Variants in TMPRSS11A observed in about 807,000 individuals in gnomAD.
The protein encoded by TMPRSS11A is transmembrane protease serine 11A.
Under a neutral mutation model 58.9 loss-of-function variants are expected in TMPRSS11A, and 53 were observed. The observed-to-expected ratio is 0.90, with a 90% confidence interval of 0.72 to 1.13. The LOEUF is 1.13. TMPRSS11A is among the 50% of genes most tolerant of loss of function. TMPRSS11A has a pLI of 0.00. For missense variants in TMPRSS11A, 493 were observed against 499.3 expected (o/e 0.99, Z 0.12); for synonymous variants, 167 against 169.8 (o/e 0.98, Z 0.13).
At position 67,940,369 on chromosome 4, in the gene TMPRSS11A, T is replaced by G. The variant is rs529158027; in HGVS notation, c.252+4150A>C. ...GTGAATCCATCTAGTTTGGGCCTTT[T>G]TTTTTCCTTTTGGCTGGTAAGTTTT... On this transcript the variant is annotated intron_variant, in intron 3 of 9. Transcript: ENST00000508048. Among the ~76,000 whole-genome samples, 9 of 152,296 alleles carry G rather than the reference T, an allele frequency of 5.9e-5. No homozygotes were observed. In the South Asian group the frequency reaches 1.7e-3, roughly 28 times the overall value.
chr4:67,927,685 C>G (rs1238424055), intron 5 of TMPRSS11A, among the ~76,000 whole-genome samples: 3 of 152,196 alleles, frequency 2.0e-5, no homozygotes, highest in East Asian at 3.8e-4. Flanking sequence ...GGTTTCTGGC[C>G]AGAAAAGCAA....
intron 8 of TMPRSS11A, 35 bp downstream of exon 8, chr4:67,918,938 G>T: frequency 6.2e-7 from 1 of 1,611,708 alleles, no homozygotes; most frequent in Non-Finnish European, 8.5e-7. Flanking sequence ...CTTAGACAGG[G>T]CTTAGCGCTC....
At chr4:67,944,443 T>C in intron 3 of TMPRSS11A, 76 bp downstream of exon 3, 1 of 1,509,098 alleles carries the variant, frequency 6.6e-7, no homozygotes, top group Non-Finnish European at 9.0e-7. Flanking sequence ...ATCATGTTTT[T>C]AGAAATGGAG....
intron 1 of TMPRSS11A, among the ~76,000 whole-genome samples, chr4:67,956,601 G>T (rs1235920044): frequency 6.6e-6 from 1 of 152,156 alleles, no homozygotes; most frequent in Non-Finnish European, 1.5e-5. Context: ...CTCATATGAA[G>T]ATTGTAAGAA....
Position 67,922,912 on chromosome 4 carries a change from C to A in TMPRSS11A, c.535G>T (p.Val179Phe). The change falls in exon 7 of 10, where the codon GTT (valine) becomes TTT (phenylalanine). Residue 179 changes from valine to phenylalanine, a missense_variant. Physicochemically the swap from Val to Phe is conservative, Grantham distance 50 (BLOSUM62 -1). Transcript: ENST00000508048. ...LTVQASCGKRVVPLNVNRIAS... is the reference protein window; with the variant it reads ...LTVQASCGKRFVPLNVNRIAS... ...ATTCTGTTGACGTTTAATGGAACAACTCGTTTACCACAACCTGAAAAAAGA... is the reference window on the plus strand; with the variant it reads ...ATTCTGTTGACGTTTAATGGAACAAATCGTTTACCACAACCTGAAAAAAGA... The A allele has an allele frequency of 6.2e-7, 1 of 1,614,108 alleles. No individual in the cohort carries two copies. Among genetic ancestry groups the A allele is most frequent in the Non-Finnish European group, 8.5e-7 (1 of 1,179,978 alleles).
chr4:67,930,370 G>A (rs1171981503), intron 4 of TMPRSS11A, among the ~76,000 whole-genome samples: 3 of 152,162 alleles, frequency 2.0e-5, no homozygotes, highest in African/African-American at 7.2e-5. Flanking sequence ...TTTGATACCT[G>A]AATCACTTCT....
At chr4:67,947,519 C>A (rs1168095862) in intron 1 of TMPRSS11A, among the ~76,000 whole-genome samples, 1 of 152,208 alleles carries the variant, frequency 6.6e-6, no homozygotes, top group Admixed American at 6.5e-5. Context: ...TTATATCCCT[C>A]ATTTCCTATA....
intron 6 of TMPRSS11A, among the ~76,000 whole-genome samples, 166 bp from the exon 7 acceptor site, chr4:67,923,092 T>C (rs1046956274): frequency 5.3e-5 from 8 of 152,200 alleles, no homozygotes; most frequent in Non-Finnish European, 1.0e-4. Context: ...CATTTCAGGG[T>C]TCACTTTCTT....
chr4:67,924,534 A>G (rs996784245), intron 5 of TMPRSS11A, among the ~76,000 whole-genome samples: 2 of 152,222 alleles, frequency 1.3e-5, no homozygotes, highest in Non-Finnish European at 2.9e-5. Context: ...AGGTTATATT[A>G]GTTTGTTTTC....
At chr4:67,949,219 A>G (rs1721097155) in intron 1 of TMPRSS11A, among the ~76,000 whole-genome samples, 1 of 152,158 alleles carries the variant, frequency 6.6e-6, no homozygotes, top group African/African-American at 2.4e-5. Context: ...TCCCACCACC[A>G]AGACACATAG....
intron 2 of TMPRSS11A, 95 bp downstream of exon 2, chr4:67,946,355 T>C (rs1303454187): frequency 6.9e-6 from 9 of 1,304,450 alleles, no homozygotes; most frequent in Non-Finnish European, 9.2e-6. Context: ...AAGGTAAATG[T>C]GCAATTTTTT....
At chr4:67,914,403 GAA>G (rs1720089509) in intron 9 of TMPRSS11A, among the ~76,000 whole-genome samples, 183 bp downstream of exon 9, 1 of 152,136 alleles carries the variant, frequency 6.6e-6, no homozygotes, top group African/African-American at 2.4e-5. Flanking sequence ...TAGCATCAGA[GAA>G]ACTCTTACTT....
At chr4:67,935,186 C>A (rs906202740) in intron 3 of TMPRSS11A, among the ~76,000 whole-genome samples, 1 of 152,174 alleles carries the variant, frequency 6.6e-6, no homozygotes, top group Non-Finnish European at 1.5e-5. Context: ...GGAATTTGAG[C>A]CTTTGAGCCT....
chr4:67,911,615 C>A (rs975442140), intron 9 of TMPRSS11A, 112 bp from the exon 10 acceptor site: 6 of 653,640 alleles, frequency 9.2e-6, no homozygotes, highest in Non-Finnish European at 1.5e-5. Flanking sequence ...CATGTATAGA[C>A]TATCAACACA....
chr4:67,941,671 C>G (rs1444904492), intron 3 of TMPRSS11A, among the ~76,000 whole-genome samples: 1 of 152,138 alleles, frequency 6.6e-6, no homozygotes, highest in Non-Finnish European at 1.5e-5. Context: ...TAGTTATATT[C>G]AAAAACTGGC....
intron 1 of TMPRSS11A, among the ~76,000 whole-genome samples, chr4:67,948,080 C>T (rs1721068961): frequency 6.6e-6 from 1 of 150,792 alleles, no homozygotes; most frequent in Non-Finnish European, 1.5e-5. Flanking sequence ...GGATATTTTT[C>T]ATATTTTCTT....
chr4:67,959,140 A>C (rs1721363257), intron 1 of TMPRSS11A, among the ~76,000 whole-genome samples: 2 of 152,240 alleles, frequency 1.3e-5, no homozygotes, highest in African/African-American at 4.8e-5. Context: ...CAAATCAAGA[A>C]GAGGATGTTA....
chr4:67,926,366 A>T (rs1247895959), intron 5 of TMPRSS11A, among the ~76,000 whole-genome samples: 2 of 152,344 alleles, frequency 1.3e-5, no homozygotes, highest in South Asian at 2.1e-4. Flanking sequence ...TTTGCCCAGG[A>T]AACAATGTTT....
chr4:67,918,428 T>A (rs374395713), intron 8 of TMPRSS11A, among the ~76,000 whole-genome samples: 26 of 152,246 alleles, frequency 1.7e-4, no homozygotes, highest in African/African-American at 6.3e-4. Context: ...TCTTCAGTAC[T>A]GAAGCAAATT....
Sources: allele counts gnomAD v4.1 joint callset (sites outside exome capture counted in the v4.1 genomes callset), GRCh38; gene constraint gnomAD v4.1.1; transcripts MANE v1.5; gene names NCBI Gene and HGNC (gene_info 2026-07-23, HGNC 2026-07-21).